ACSM2B: variants seen among roughly 807,000 people sequenced by gnomAD.
The protein encoded by ACSM2B is acyl-CoA synthetase medium chain family member 2B.
ACSM2B carries 58 observed loss-of-function variants against 78.6 expected under a neutral mutation model. The observed-to-expected ratio is 0.74, with a 90% confidence interval of 0.60 to 0.92. ACSM2B has a LOEUF of 0.92. Ranked by LOEUF, ACSM2B falls within the 40% of genes least tolerant of loss-of-function variation. ACSM2B has a pLI of 0.00. For synonymous variants in ACSM2B, 257 were observed against 256.8 expected (o/e 1.00, Z -0.01); for missense variants, 688 against 711.2 (o/e 0.97, Z 0.37).
At chr16:20,541,683 T>TC in intron 12 of ACSM2B, 1 of 128,538 alleles carries the variant, frequency 7.8e-6, no homozygotes, top group Non-Finnish European at 1.6e-5. Context: ...TTTTCTTTCT[T>TC]TTTTTTTTTT....
Position 20,552,214 on chromosome 16 carries a change from T to C in ACSM2B, c.824A>G (p.Glu275Gly). ...TGTGCATGCTCCTAATGTCCAAGAT[T>C]CCAAAAGTGAGCCCAAGATGTTCAG... Reference protein sequence around the residue: ...WILNILGSLLESWTLGACTFV... With the variant: ...WILNILGSLLGSWTLGACTFV... The change falls in exon 6 of 14, where the codon GAA (glutamate) becomes GGA (glycine). Residue 275 changes from glutamate to glycine, a missense_variant. Glu to Gly is a moderately conservative substitution (Grantham distance 98). Transcript: ENST00000329697. The C allele has an allele frequency of 6.2e-7, 1 of 1,613,884 alleles. No individual in the cohort carries two copies. Among genetic ancestry groups the C allele is most frequent in the Admixed American group, 1.7e-5 (1 of 59,998 alleles).
intron 1 of ACSM2B, among the ~76,000 whole-genome samples, chr16:20,565,631 C>G (rs1223272119): frequency 6.6e-6 from 1 of 152,104 alleles, no homozygotes; most frequent in Non-Finnish European, 1.5e-5. Flanking sequence ...ATCTAGTGCA[C>G]AGGACCTAAC....
chr16:20,541,127 G>A (rs66847969), intron 12 of ACSM2B: 131,268 of 166,040 alleles, frequency 0.79, 52,444 homozygotes, highest in Non-Finnish European at 0.82. Context: ...CAGTGTTCCC[G>A]TCTGCAAAAT....
chr16:20,570,962 TC>T (rs201625597), intron 1 of ACSM2B, among the ~76,000 whole-genome samples: 3,308 of 152,050 alleles, frequency 0.022, 137 homozygotes, highest in African/African-American at 0.076. Context: ...TTTTCTCTCT[TC>T]TTTTTTTTGG....
chr16:20,554,298 C>A (rs565059606), intron 4 of ACSM2B: 3 of 385,290 alleles, frequency 7.8e-6, no homozygotes, highest in Non-Finnish European at 1.5e-5. Flanking sequence ...TGTGAAGAGC[C>A]CTGGCATGAC....
intron 9 of ACSM2B, 114 bp downstream of exon 9, chr16:20,546,280 T>C (rs28681594): frequency 7.0e-7 from 1 of 1,436,244 alleles, no homozygotes; most frequent in South Asian, 1.8e-5. Context: ...TTTCTGATAT[T>C]ATCTTAATAT....
rs1220682934 is a variant in ACSM2B, at chr16:20,566,669, G to GTA, written c.-8-1818_-8-1817dup. Among the ~76,000 whole-genome samples the GTA allele has an allele frequency of 7.8e-4, 22 of 28,264 alleles. 1 individual carries two copies. Among genetic ancestry groups the GTA allele is most frequent in the African/African-American group, 5.5e-3 (18 of 3,276 alleles). 18.5% of individuals were successfully genotyped at this position (28,264 alleles called of 152,430 possible). On this transcript the variant is annotated intron_variant, in intron 1 of 13. Transcript: ENST00000329697. ...ACTATACTATATATATGTATATATA[G>GTA]TATATACATATAGTATATACTATAT...
At chr16:20,547,169 G>C (rs1468577533) in intron 8 of ACSM2B, 95 of 1,011,026 alleles carry the variant, frequency 9.4e-5, no homozygotes, top group South Asian at 2.9e-4. Flanking sequence ...CAAGTTGATT[G>C]ACCCACCTCA....
At chr16:20,548,363 A>T (rs1465943893) in intron 7 of ACSM2B, 31 bp downstream of exon 7, 1 of 1,612,510 alleles carries the variant, frequency 6.2e-7, no homozygotes, top group African/African-American at 1.3e-5. Flanking sequence ...ATGGGGCCAG[A>T]CTCTCTTACC....
At chr16:20,554,523 T>C (rs903411391) in intron 4 of ACSM2B, among the ~76,000 whole-genome samples, 4 of 152,198 alleles carry the variant, frequency 2.6e-5, no homozygotes, top group African/African-American at 9.6e-5. Context: ...CCCTTCAAGT[T>C]TCCTATCATA....
intron 1 of ACSM2B, among the ~76,000 whole-genome samples, chr16:20,567,582 TA>T (rs2015958184): frequency 7.5e-6 from 1 of 133,276 alleles, no homozygotes; most frequent in South Asian, 2.1e-4. Flanking sequence ...TAAAAATATA[TA>T]AATAATAATA....
chr16:20,549,982 G>A, intron 6 of ACSM2B: 3 of 294,620 alleles, frequency 1.0e-5, no homozygotes, highest in Non-Finnish European at 1.3e-5. Context: ...AGGCTTTTTA[G>A]ACAGAATAGG....
intron 3 of ACSM2B, among the ~76,000 whole-genome samples, chr16:20,557,435 T>G (rs1555458456): frequency 9.7e-6 from 1 of 103,522 alleles, no homozygotes; most frequent in East Asian, 2.0e-3. Flanking sequence ...AATCCACTTA[T>G]CTCCATCTCT....
chr16:20,541,095 A>C, intron 12 of ACSM2B: 1 of 180,738 alleles, frequency 5.5e-6, no homozygotes. Context: ...ACCCTAAACA[A>C]TGTGTTAACT....
intron 12 of ACSM2B, chr16:20,541,360 A>G (rs1246038053): frequency 6.6e-6 from 1 of 152,274 alleles, no homozygotes; most frequent in Admixed American, 6.5e-5. Flanking sequence ...ACTGATCCAC[A>G]CATCCCACCT....
intron 1 of ACSM2B, among the ~76,000 whole-genome samples, chr16:20,566,615 A>G (rs1218410179): frequency 2.9e-5 from 2 of 69,874 alleles, no homozygotes; most frequent in East Asian, 2.1e-3. Flanking sequence ...ATCTACATAT[A>G]GTATATATAC....
At chr16:20,573,808 G>T (rs1217997415) in intron 1 of ACSM2B, among the ~76,000 whole-genome samples, 1 of 152,072 alleles carries the variant, frequency 6.6e-6, no homozygotes, top group Non-Finnish European at 1.5e-5. Flanking sequence ...AGAGGAGAGG[G>T]TGTACGAACA....
intron 1 of ACSM2B, among the ~76,000 whole-genome samples, chr16:20,571,849 T>TTTAAAGTTAGAAAACTTTAAAGTTA (rs1169362408): frequency 7.3e-5 from 11 of 151,200 alleles, no homozygotes; most frequent in Non-Finnish European, 8.9e-5. Flanking sequence ...TTCTAACTGC[T>TTTAAAGTTAGAAAACTTTAAAGTTA]GTGGCTTTAA....
At chr16:20,563,392 G>T (rs1360837081) in intron 2 of ACSM2B, among the ~76,000 whole-genome samples, 1 of 151,768 alleles carries the variant, frequency 6.6e-6, no homozygotes, top group Non-Finnish European at 1.5e-5. Context: ...TAACGTTTTT[G>T]CTGTTATATG....
Sources: gnomAD v4.1 joint callset for allele counts (sites outside exome capture counted in the v4.1 genomes callset) on GRCh38, gnomAD v4.1.1 for gene constraint, MANE v1.5 for transcripts, NCBI Gene and HGNC (gene_info 2026-07-23, HGNC 2026-07-21) for gene names.